HIVEP2: variants seen among roughly 807,000 people sequenced by gnomAD.
HIVEP2 encodes the protein HIVEP zinc finger 2.
Under a neutral mutation model 180.7 loss-of-function variants are expected in HIVEP2, and 14 were observed. That is an observed-to-expected ratio of 0.08 (90% CI 0.05 to 0.12). HIVEP2 has a LOEUF of 0.12. HIVEP2 is among the 10% of genes least tolerant of loss of function. HIVEP2 has a pLI of 1.00. For synonymous variants in HIVEP2, 1,184 were observed against 1,136.4 expected, an observed-to-expected ratio of 1.04 and a Z score of -0.84; for missense variants, 2,579 against 3,008.5, an observed-to-expected ratio of 0.86 and a Z score of 3.34.
chr6:142,786,881 T>C (rs1284178593), intron 2 of HIVEP2, among the ~76,000 whole-genome samples: 2 of 152,310 alleles, frequency 1.3e-5, no homozygotes, highest in Non-Finnish European at 2.9e-5. Context: ...CCCTTGTTTT[T>C]TCTGAGGTTA....
rs1408090411 is a variant in HIVEP2, at chr6:142,769,715, A to G, written c.5024T>C (p.Ile1675Thr). 6.2e-7 allele frequency: 1 copy of G among 1,614,224 alleles called. No homozygotes were observed. Among genetic ancestry groups the G allele is most frequent in the Non-Finnish European group, 8.5e-7 (1 of 1,180,046 alleles). The change falls in exon 5 of 10, where the codon ATT becomes ACT. Residue 1675 changes from isoleucine (I) to threonine (T), a missense_variant. By Grantham distance (89) the Ile-to-Thr change is moderately conservative. This residue lies in a region of HIVEP2 where 349 missense variants were observed against 367.2 expected (regional missense o/e 0.95). Coordinates refer to ENST00000367603, the MANE Select transcript of HIVEP2 (RefSeq NM_006734.4). ...TGATGGGTTTGGATTACAGGAACTA[A>G]TGCACCATGAAGCATAAACCGAGGA... ...FKSSVYASWC[I>T]SSCNPNPSGL...
chr6:142,888,917 GTAGAAAACATAACTCTGACTA>G (rs1457374042), intron 1 of HIVEP2, among the ~76,000 whole-genome samples: 1 of 152,140 alleles, frequency 6.6e-6, no homozygotes, highest in Non-Finnish European at 1.5e-5. Flanking sequence ...AAAATGAGTT[GTAGAAAACATAACTCTGACTA>G]TACTGCTCAT....
chr6:142,784,926 C>T (rs528836946), intron 2 of HIVEP2, among the ~76,000 whole-genome samples: 12 of 152,168 alleles, frequency 7.9e-5, no homozygotes, highest in African/African-American at 2.9e-4. Context: ...CTTGCTCAGT[C>T]ACCCAGGCTG....
rs149027798 is a variant in HIVEP2 at position 142,772,561 on chromosome 6, G to A, written c.2178C>T (p.Ser726=). ...GCATCTGCAGTTTGGGGTCATAATC[G>A]GAAGCCATGATGCCCACAGGAGTGC... ...IVSTPVGIMA[S]DYDPKLQMQE... The change falls in exon 5 of 10, where the codon TCC becomes TCT. Residue 726 remains serine (S), a synonymous_variant. Transcript: ENST00000367603. The surrounding 1 kb of genome is among the most constrained non-coding windows in gnomAD (Gnocchi z 4.9). 3,336 of 1,614,122 alleles carry A rather than the reference G, an allele frequency of 2.1e-3. 10 individuals carry two copies. Among genetic ancestry groups the A allele is most frequent in the Non-Finnish European group, 2.6e-3 (3,028 of 1,180,040 alleles).
Position 142,760,433 on chromosome 6 carries a change from G to A in HIVEP2, c.5855C>T (p.Ala1952Val). 1.2e-6 allele frequency: 2 copies of A among 1,614,158 alleles called. No individual in the cohort carries two copies. Among genetic ancestry groups the A allele is most frequent in the South Asian group, 1.1e-5 (1 of 91,080 alleles). Residue 1952 changes from alanine to valine, a missense_variant, in exon 9 of 10, where the codon GCC becomes GTC. Physicochemically the swap from Ala to Val is moderately conservative, Grantham distance 64 (BLOSUM62 0). Transcript: ENST00000367603. Reference sequence around the variant, plus strand: ...ATCTGAAGGAACCCCGTGGGGTACGGCGCCAACATTCACAGGCAAGGAGGA... The same window carrying A: ...ATCTGAAGGAACCCCGTGGGGTACGACGCCAACATTCACAGGCAAGGAGGA... Reference protein sequence around the residue: ...RFSSLPVNVGAVPHGVPSDSS... With the variant: ...RFSSLPVNVGVVPHGVPSDSS...
chr6:142,873,142 T>C (rs1243233904), intron 1 of HIVEP2, among the ~76,000 whole-genome samples: 4 of 152,132 alleles, frequency 2.6e-5, no homozygotes, highest in African/African-American at 4.8e-5. Context: ...CACAGAAACA[T>C]AGAACAGACT....
intron 2 of HIVEP2, among the ~76,000 whole-genome samples, chr6:142,793,652 CTTTCTTTTTTCTTTCTT>C (rs1443136662): frequency 6.4e-5 from 4 of 62,910 alleles, no homozygotes; most frequent in African/African-American, 2.3e-4. Context: ...TTCTTTCTTT[CTTTCTTTTTTCTTTCTT>C]TCTTTCTCTC....
intron 1 of HIVEP2, among the ~76,000 whole-genome samples, chr6:142,863,122 A>C (rs1776049474): frequency 6.8e-6 from 1 of 146,778 alleles, no homozygotes; most frequent in African/African-American, 2.5e-5. Flanking sequence ...ATAATATATA[A>C]TAGATTTGCT....
chr6:142,781,223 A>G (rs1490318497), intron 3 of HIVEP2, among the ~76,000 whole-genome samples: 3 of 152,226 alleles, frequency 2.0e-5, no homozygotes, highest in Non-Finnish European at 4.4e-5. Context: ...ATTAAAATAT[A>G]TACCAGGTTT....
intron 2 of HIVEP2, among the ~76,000 whole-genome samples, chr6:142,801,610 T>C (rs1473298758): frequency 6.6e-6 from 1 of 152,056 alleles, no homozygotes; most frequent in African/African-American, 2.4e-5. Flanking sequence ...CTCCTGATTA[T>C]GTACCCTTGT....
At chr6:142,778,495 T>C (rs1775761571) in intron 3 of HIVEP2, among the ~76,000 whole-genome samples, 1 of 152,172 alleles carries the variant, frequency 6.6e-6, no homozygotes, top group Non-Finnish European at 1.5e-5. Context: ...TTGAAGTGAA[T>C]AATTTCTAAG....
intron 1 of HIVEP2, among the ~76,000 whole-genome samples, chr6:142,862,678 A>G (rs2114961053): frequency 7.0e-6 from 1 of 142,646 alleles, no homozygotes; most frequent in South Asian, 2.2e-4. Context: ...TGTGTACTAT[A>G]TCTATTACAT....
At chr6:142,815,319 C>CT (rs1364240324) in intron 2 of HIVEP2, among the ~76,000 whole-genome samples, 1 of 152,084 alleles carries the variant, frequency 6.6e-6, no homozygotes, top group East Asian at 1.9e-4. Flanking sequence ...ATGATGGAGA[C>CT]TGAGGAGTAA....
At chr6:142,826,203 G>T (rs1001064051) in intron 2 of HIVEP2, among the ~76,000 whole-genome samples, 2 of 152,146 alleles carry the variant, frequency 1.3e-5, no homozygotes, top group Admixed American at 6.5e-5. Context: ...TGGTTTAGGA[G>T]AAATTTCCGC....
At chr6:142,820,179 A>G (rs1018435389) in intron 2 of HIVEP2, among the ~76,000 whole-genome samples, 1 of 152,204 alleles carries the variant, frequency 6.6e-6, no homozygotes, top group East Asian at 1.9e-4. Context: ...GCTTGAAACT[A>G]TTACTGATCT....
chr6:142,871,861 C>G (rs1776297265), intron 1 of HIVEP2, among the ~76,000 whole-genome samples: 1 of 152,144 alleles, frequency 6.6e-6, no homozygotes, highest in African/African-American at 2.4e-5. Context: ...GGCACACAGA[C>G]AAGCCACCCT....
In HIVEP2 at chr6:142,772,809, G is replaced by A. The variant is rs777833329; in HGVS notation, c.1930C>T (p.Pro644Ser). The A allele has an allele frequency of 8.1e-6, 13 of 1,614,042 alleles. No homozygotes were observed. The Admixed American group carries it at 2.0e-4, about 25-fold the overall frequency. ...VGYDYDVCRK[P>S]YKKWEDSETP... ...TCAGAGTCCTCCCACTTCTTATAGG[G>A]TTTCCGACAGACATCATAGTCATAC... The change falls in exon 5 of 10, where the codon CCC becomes TCC. Residue 644 changes from proline (P) to serine (S), a missense_variant. Pro to Ser is a moderately conservative substitution (Grantham distance 74). Coordinates refer to ENST00000367603, the MANE Select transcript of HIVEP2 (RefSeq NM_006734.4). The surrounding 1 kb of genome is among the most constrained non-coding windows in gnomAD (Gnocchi z 4.9).
At chr6:142,940,555 T>C (rs1300738338) in intron 1 of HIVEP2, among the ~76,000 whole-genome samples, 1 of 152,208 alleles carries the variant, frequency 6.6e-6, no homozygotes, top group Non-Finnish European at 1.5e-5. Context: ...TCAGGTTGGA[T>C]AATCATTCCT....
chr6:142,866,895 C>T (rs1776154228), intron 1 of HIVEP2, among the ~76,000 whole-genome samples: 1 of 151,976 alleles, frequency 6.6e-6, no homozygotes, highest in African/African-American at 2.4e-5. Context: ...TTATAAAAAG[C>T]GAAAAAGAAA....
Sources: gnomAD v4.1 joint callset for allele counts (sites outside exome capture counted in the v4.1 genomes callset) on GRCh38, gnomAD v4.1.1 for gene constraint, gnomAD v4.1.1 regional missense constraint, Gnocchi (gnomAD v3.1) non-coding constraint, MANE v1.5 for transcripts, NCBI Gene and HGNC (gene_info 2026-07-23, HGNC 2026-07-21) for gene names.